Variants in PRRC2B observed in about 807,000 individuals in gnomAD.
The protein encoded by PRRC2B is protein PRRC2B.
In PRRC2B, 68 loss-of-function variants were observed where a neutral mutation model predicts 242.3. That is an observed-to-expected ratio of 0.28 (90% CI 0.23 to 0.34). The LOEUF is 0.34. Ranked by LOEUF, PRRC2B falls within the 10% of genes least tolerant of loss-of-function variation. The pLI, the probability that PRRC2B is intolerant of heterozygous loss-of-function variation, is 1.00. For missense variants in PRRC2B, 2,835 were observed against 2,954.8 expected, an observed-to-expected ratio of 0.96 and a Z score of 0.94; for synonymous variants, 1,228 against 1,173.6, an observed-to-expected ratio of 1.05 and a Z score of -0.95.
In PRRC2B at chr9:131,473,718, G is replaced by A. The variant is rs191333532; in HGVS notation, c.2318G>A (p.Arg773His). ...AGTGACACCTTGGCTATGGACATGCGTGTCAGGTGAGATGAAGCCTGGTCC... is the reference window on the plus strand; with the variant it reads ...AGTGACACCTTGGCTATGGACATGCATGTCAGGTGAGATGAAGCCTGGTCC... ...KSSDTLAMDM[R>H]VRNESSFSAS... Residue 773 changes from arginine (R) to histidine (H), a missense_variant, in exon 15 of 32, where the codon CGT becomes CAT. Coordinates refer to ENST00000683519, the MANE Select transcript of PRRC2B (RefSeq NM_013318.4). The A allele has an allele frequency of 1.1e-3, 1,817 of 1,612,572 alleles. 49 individuals carry two copies. In the Admixed American group the frequency reaches 0.027, roughly 24 times the overall value.
At chr9:131,483,187 T>C (rs548015533) in intron 22 of PRRC2B, among the ~76,000 whole-genome samples, 172 bp from the exon 23 acceptor site, 1 of 152,324 alleles carries the variant, frequency 6.6e-6, no homozygotes, top group African/African-American at 2.4e-5. Context: ...GCTGGCGTCC[T>C]GTCTCCTGTG....
In PRRC2B at chr9:131,484,565, G is replaced by C. The variant is rs903716878; in HGVS notation, c.5461-121G>C. 2.0e-5 allele frequency: 15 copies of C among 741,508 alleles called. No individual in the cohort carries two copies. The Admixed American group carries it at 4.1e-4, about 20-fold the overall frequency. The allele number at this position is 741,508 out of a possible 1,614,324, so 45.9% of individuals were successfully genotyped here. A position where few individuals can be genotyped will look rare whatever the true frequency, so the allele number is the denominator to read the frequency against. Reference sequence around the variant, plus strand: ...TTTGGGAAAAGCCATGGATGGGTTTGGGCAAGTCATAGATACATTTGGACG... The same window carrying C: ...TTTGGGAAAAGCCATGGATGGGTTTCGGCAAGTCATAGATACATTTGGACG... On this transcript the variant is annotated intron_variant, in intron 23 of 31. Coordinates refer to ENST00000683519, the MANE Select transcript of PRRC2B (RefSeq NM_013318.4).
At chr9:131,451,691 G>A (rs1267647921) in intron 9 of PRRC2B, among the ~76,000 whole-genome samples, 1 of 152,172 alleles carries the variant, frequency 6.6e-6, no homozygotes, top group African/African-American at 2.4e-5. Context: ...AGTGTCAGCT[G>A]TGGGTTTTTC....
At chr9:131,393,179 C>T (rs1214067339), upstream of PRRC2B, among the ~76,000 whole-genome samples, 1 of 152,192 alleles carries the variant, frequency 6.6e-6, no homozygotes, top group African/African-American at 2.4e-5. Flanking sequence ...ACAATAATAT[C>T]TGCCCCTGGG....
intron 28 of PRRC2B, 144 bp downstream of exon 28, chr9:131,488,240 A>C (rs2131475072): frequency 8.5e-7 from 1 of 1,182,384 alleles, no homozygotes; most frequent in African/African-American, 1.6e-5. Flanking sequence ...GCGTGCAGGA[A>C]ATCAGCCTCT....
intron 1 of PRRC2B, among the ~76,000 whole-genome samples, chr9:131,403,594 A>G (rs533872437): frequency 2.7e-5 from 4 of 150,218 alleles, no homozygotes; most frequent in African/African-American, 9.8e-5. Context: ...AGCTCAGGCC[A>G]TCTGTCCACC....
Position 131,488,593 on chromosome 9 carries a change from C to T in PRRC2B, c.6225+497C>T, listed in dbSNP as rs147663602. ...CCATCTCTTTATTCTTGAGACCTGG[C>T]TGTCCCCTAAGCACTGCCTGCTCCT... On this transcript the variant is annotated intron_variant, in intron 28 of 31. Transcript: ENST00000683519. Among the ~76,000 whole-genome samples the T allele has an allele frequency of 5.3e-5, 8 of 152,312 alleles. No individual in the cohort carries two copies. The East Asian group carries it at 1.5e-3, about 29-fold the overall frequency.
chr9:131,491,386 G>C (rs1944189949), intron 28 of PRRC2B, 39 bp from the exon 29 acceptor site: 1 of 1,546,930 alleles, frequency 6.5e-7, no homozygotes, highest in Non-Finnish European at 8.7e-7. Flanking sequence ...TTTCTCCATA[G>C]CATCATTCCC....
chr9:131,477,655 G>A (rs902621536), intron 16 of PRRC2B, 89 bp from the exon 17 acceptor site: 16 of 773,544 alleles, frequency 2.1e-5, no homozygotes, highest in Non-Finnish European at 3.4e-5. Context: ...CCTAGATCAG[G>A]GTGCCGGGCT....
At position 131,447,215 on chromosome 9, in the gene PRRC2B, A is replaced by G. The variant is rs769246056; in HGVS notation, c.977+9A>G. 3.1e-6 allele frequency: 5 copies of G among 1,613,920 alleles called. No homozygotes were observed. The highest frequency in any genetic ancestry group is 2.2e-5 in the South Asian group (2 of 91,066). On this transcript the variant is annotated intron_variant, in intron 8 of 31. Transcript: ENST00000683519. ...ATGAATGACCAAGACGGGTGAGTCC[A>G]TTGCATTACAGTCACGTGTGTAGAG...
chr9:131,485,009 G>T lies in PRRC2B; in HGVS notation c.5627G>T (p.Gly1876Val). ...SPSLPEQSSP[G>V]GAGSGIQPPS... ...AGTTTGCCGGAGCAGAGCTCTCCAG[G>T]CGGCGCTGGCTCAGGCATCCAGCCT... is the stretch of plus-strand genomic sequence containing the variant. The change falls in exon 25 of 32, where the codon GGC becomes GTC. Residue 1876 changes from glycine to valine, a missense_variant. By Grantham distance (109) the Gly-to-Val change is moderately radical (BLOSUM62 -3). This residue lies in a region of PRRC2B where 574 missense variants were observed against 626.0 expected (regional missense o/e 0.92). Transcript: ENST00000683519. The T allele has an allele frequency of 1.2e-6, 2 of 1,613,350 alleles. No individual in the cohort carries two copies. Among genetic ancestry groups the T allele is most frequent in the African/African-American group, 1.3e-5 (1 of 75,046 alleles).
Position 131,492,198 on chromosome 9 carries a change from C to T in PRRC2B, c.6411C>T (p.His2137=). 1 of 1,613,924 alleles carries T rather than the reference C, an allele frequency of 6.2e-7. No homozygotes were observed. Among genetic ancestry groups the T allele is most frequent in the Non-Finnish European group, 8.5e-7 (1 of 1,179,872 alleles). ...CTCAGATGGAGATGAAAGGCTTCCA[C>T]TTTGCCGACAGTAAACAGAATGTCC... The part of the protein sequence containing the change: ...EPSQMEMKGF[H]FADSKQNVPS... Residue 2137 remains histidine (H), a synonymous_variant, in exon 30 of 32, where the codon CAC becomes CAT. Transcript: ENST00000683519.
At chr9:131,468,960 A>C (rs928901429) in intron 13 of PRRC2B, among the ~76,000 whole-genome samples, 2 of 152,174 alleles carry the variant, frequency 1.3e-5, no homozygotes, top group Non-Finnish European at 2.9e-5. Context: ...GAGCTCTGGA[A>C]TTACTTGCGC....
rs199549523 is a variant in PRRC2B at position 131,475,300 on chromosome 9, C to T, written c.3171C>T (p.Ala1057=). The change falls in exon 16 of 32, where the codon GCC becomes GCT. Residue 1057 remains alanine (A), a synonymous_variant. Transcript: ENST00000683519. ...GGATCTTTATTGATGAGGAGCAAGC[C>T]TTTGGGGTCAGAGGACAGGCCCGGG... ...NNWIFIDEEQ[A]FGVRGQARGR... is the part of the protein sequence containing the mutation. 25 of 1,607,978 alleles carry T rather than the reference C, an allele frequency of 1.6e-5. 1 individual carries two copies. In the Admixed American group the frequency reaches 3.2e-4, roughly 21 times the overall value.
At chr9:131,412,797 CTTT>C (rs35175798) in intron 1 of PRRC2B, among the ~76,000 whole-genome samples, 3 of 138,016 alleles carry the variant, frequency 2.2e-5, no homozygotes, top group Admixed American at 7.4e-5. Context: ...CTCTCTCTCT[CTTT>C]TTTTTTTTTT....
intron 1 of PRRC2B, among the ~76,000 whole-genome samples, chr9:131,396,212 A>G (rs2131276054): frequency 6.6e-6 from 1 of 151,956 alleles, no homozygotes; most frequent in East Asian, 1.9e-4. Context: ...TTTGTTGATT[A>G]TCTGTTTTTC....
chr9:131,423,279 C>A (rs2994042), intron 1 of PRRC2B, among the ~76,000 whole-genome samples: 112,005 of 152,150 alleles, frequency 0.74, 42,449 homozygotes, highest in East Asian at 0.93. Flanking sequence ...GCCTCAGACC[C>A]GCTGGAGAGC....
At chr9:131,398,135 G>T (rs748308925) in intron 1 of PRRC2B, among the ~76,000 whole-genome samples, 10 of 152,204 alleles carry the variant, frequency 6.6e-5, no homozygotes, top group Non-Finnish European at 1.3e-4. Flanking sequence ...TTAGCTTTAG[G>T]TTTAAAAGGT....
Position 131,384,264 on chromosome 9 carries a change from T to TTGTATGTATGTATGTA in PRRC2B, c.-56+10547_-56+10562dup, listed in dbSNP as rs72496921. Among the ~76,000 whole-genome samples the TTGTATGTATGTATGTA allele has an allele frequency of 1.2e-3, 175 of 149,242 alleles. 1 individual carries two copies. The highest frequency in any genetic ancestry group is 1.6e-3 in the Non-Finnish European group (106 of 67,278). ...ACCTGCCACCACGCCTGGCTAATTT[T>TTGTATGTATGTATGTA]TGTATGTATGTATGTATGTATGTAT... On this transcript the variant is annotated intron_variant, in intron 1 of 1. Coordinates refer to the PRRC2B transcript ENST00000682525.
Sources: allele counts gnomAD v4.1 joint callset (sites outside exome capture counted in the v4.1 genomes callset), GRCh38; gene constraint gnomAD v4.1.1; regional missense constraint gnomAD v4.1.1; transcripts MANE v1.5; gene names NCBI Gene and HGNC (gene_info 2026-07-23, HGNC 2026-07-21).